The following THADA variants were observed in gnomAD, a reference collection of about 807,000 sequenced individuals.
THADA encodes THADA armadillo repeat containing.
Under a neutral mutation model 219.8 loss-of-function variants are expected in THADA, and 213 were observed. The ratio of observed to expected loss-of-function variants is 0.97; its 90% CI spans 0.87 to 1.09. The LOEUF is 1.09. Among genes scored for constraint, THADA ranks in the 50% least tolerant of loss-of-function variants. THADA has a pLI of 0.00. For synonymous variants in THADA, 1,018 were observed against 828.9 expected (o/e 1.23, Z -3.92); for missense variants, 2,956 against 2,311.3 (o/e 1.28, Z -5.72).
intron 26 of THADA, among the ~76,000 whole-genome samples, chr2:43,446,579 G>A (rs981716423): frequency 1.3e-5 from 2 of 152,204 alleles, no homozygotes; most frequent in Admixed American, 1.3e-4. Context: ...CCACCTGAGT[G>A]ATCCCAGATG....
intron 8 of THADA, among the ~76,000 whole-genome samples, chr2:43,579,551 A>C (rs184638853): frequency 6.6e-6 from 1 of 152,322 alleles, no homozygotes; most frequent in East Asian, 1.9e-4. Flanking sequence ...CATCACTGAT[A>C]AGAAAACTGT....
At chr2:43,289,721 G>A (rs913721256) in intron 34 of THADA, among the ~76,000 whole-genome samples, 8 of 151,212 alleles carry the variant, frequency 5.3e-5, no homozygotes, top group Non-Finnish European at 8.9e-5. Flanking sequence ...AGACAATCTC[G>A]GCTCACTGCA....
chr2:43,291,469 A>AAAAAAAAAAAAAAG (rs1674706231), intron 34 of THADA, among the ~76,000 whole-genome samples: 1 of 148,082 alleles, frequency 6.8e-6, no homozygotes, highest in Non-Finnish European at 1.5e-5. Flanking sequence ...AAAAAAAAAA[A>AAAAAAAAAAAAAAG]AAAAAAAAAA....
At position 43,574,363 on chromosome 2, in the gene THADA, G is replaced by A; in HGVS notation, c.1702C>T (p.Leu568Phe). Residue 568 changes from leucine to phenylalanine, a missense_variant, in exon 11 of 38, where the codon CTT becomes TTT. Leu to Phe is a conservative substitution (Grantham distance 22). Transcript: ENST00000405975. The stretch of plus-strand genomic sequence containing the variant: ...GTTTTAGCATCAATAGAAGTCTGAA[G>A]AATCTTTACCATGTACTGTAAGCTT... ...PESLQYMVKI[L>F]QTSIDAKTGQ... The A allele has an allele frequency of 6.3e-7, 1 of 1,581,576 alleles. No homozygotes were observed. The highest frequency in any genetic ancestry group is 8.6e-7 in the Non-Finnish European group (1 of 1,167,078).
chr2:43,534,017 A>T (rs1694234706), intron 21 of THADA, among the ~76,000 whole-genome samples: 1 of 152,226 alleles, frequency 6.6e-6, no homozygotes, highest in Non-Finnish European at 1.5e-5. Context: ...GATGAATATA[A>T]GATAAATATT....
intron 36 of THADA, among the ~76,000 whole-genome samples, chr2:43,235,443 G>A (rs527580866): frequency 5.9e-5 from 9 of 151,972 alleles, no homozygotes; most frequent in East Asian, 1.9e-4. Context: ...ACAGGCATGC[G>A]CCACCACACC....
intron 32 of THADA, among the ~76,000 whole-genome samples, 177 bp downstream of exon 32, chr2:43,292,657 T>C (rs1005108305): frequency 2.0e-5 from 3 of 152,104 alleles, no homozygotes; most frequent in Non-Finnish European, 2.9e-5. Context: ...CCCTACCAGG[T>C]ATGACGCCAT....
At chr2:43,248,334 A>T (rs1669474167) in intron 36 of THADA, among the ~76,000 whole-genome samples, 1 of 151,490 alleles carries the variant, frequency 6.6e-6, no homozygotes, top group African/African-American at 2.4e-5. Context: ...GGTTCAAGCG[A>T]TTCTCCCACT....
At chr2:43,478,885 A>C (rs1389494813) in intron 26 of THADA, among the ~76,000 whole-genome samples, 1 of 152,158 alleles carries the variant, frequency 6.6e-6, no homozygotes, top group Non-Finnish European at 1.5e-5. Flanking sequence ...TGAAACATGA[A>C]ACTCTCTAAT....
At chr2:43,397,878 T>C in intron 29 of THADA, 93 bp downstream of exon 29, 1 of 1,316,162 alleles carries the variant, frequency 7.6e-7, no homozygotes. Flanking sequence ...GTTAAGAGGC[T>C]GTGTATCAAA....
At position 43,552,302 on chromosome 2, in the gene THADA, T is replaced by G; in HGVS notation, c.2712A>C (p.Val904=). The G allele has an allele frequency of 6.2e-7, 1 of 1,604,720 alleles. No individual in the cohort carries two copies. Among genetic ancestry groups the G allele is most frequent in the Non-Finnish European group, 8.5e-7 (1 of 1,177,508 alleles). Residue 904 remains valine (V), a synonymous_variant, in exon 18 of 38, where the codon GTA becomes GTC. Transcript: ENST00000405975. ...KCLMENLEEE[V]SQAENSLLQA... The stretch of plus-strand genomic sequence containing the variant: ...GAAGCAGAGAATTTTCAGCCTGAGA[T>G]ACTTCTTCCTCAAGATTTTCCATCA...
Position 43,570,485 on chromosome 2 carries a change from G to GAACTTTCCTGTATCCTACAA in THADA, c.2070_2089dup (p.Ser697PhefsTer27), listed in dbSNP as rs745656397. The GAACTTTCCTGTATCCTACAA allele has an allele frequency of 6.2e-7, 1 of 1,611,982 alleles. No individual in the cohort carries two copies. The highest frequency in any genetic ancestry group is 1.3e-5 in the African/African-American group (1 of 74,946). On this transcript the variant is annotated frameshift_variant, in exon 14 of 38. Coordinates refer to ENST00000405975, the MANE Select transcript of THADA (RefSeq NM_022065.5). LOFTEE classifies it high-confidence loss of function. The stretch of plus-strand genomic sequence containing the variant: ...CTGCTCCAATTTATAAAGTACCTGA[G>GAACTTTCCTGTATCCTACAA]AACTTTCCTGTATCCTACAAAACAA...
intron 35 of THADA, among the ~76,000 whole-genome samples, chr2:43,281,921 C>A (rs777996032): frequency 3.3e-5 from 5 of 152,112 alleles, no homozygotes; most frequent in Non-Finnish European, 5.9e-5. Context: ...AGGTGTACAC[C>A]ACCACATCTG....
At chr2:43,269,508 G>A (rs1244524964) in intron 36 of THADA, among the ~76,000 whole-genome samples, 5 of 152,188 alleles carry the variant, frequency 3.3e-5, no homozygotes, top group African/African-American at 9.6e-5. Context: ...GGGAGCCGCT[G>A]CCAGTGACGC....
intron 31 of THADA, among the ~76,000 whole-genome samples, chr2:43,305,490 C>T (rs1676749967): frequency 6.6e-6 from 1 of 152,196 alleles, no homozygotes; most frequent in Non-Finnish European, 1.5e-5. Context: ...GCCCCCATCA[C>T]ACACACCCCT....
chr2:43,532,926 A>C (rs1292722144), intron 21 of THADA, among the ~76,000 whole-genome samples: 3 of 152,244 alleles, frequency 2.0e-5, no homozygotes, highest in Non-Finnish European at 4.4e-5. Flanking sequence ...GCTCAGCAAA[A>C]GAAACTATCA....
intron 31 of THADA, among the ~76,000 whole-genome samples, chr2:43,314,169 T>C (rs371263439): frequency 2.6e-5 from 4 of 152,312 alleles, no homozygotes; most frequent in Admixed American, 2.0e-4. Flanking sequence ...TCTGAGATCA[T>C]TTATATGAAG....
At chr2:43,337,858 G>T (rs1456296100) in intron 30 of THADA, among the ~76,000 whole-genome samples, 1 of 152,044 alleles carries the variant, frequency 6.6e-6, no homozygotes, top group African/African-American at 2.4e-5. Flanking sequence ...CTTCAAAAAT[G>T]ATGTTTTCAA....
intron 31 of THADA, among the ~76,000 whole-genome samples, chr2:43,296,433 A>C (rs907697493): frequency 3.3e-5 from 5 of 150,732 alleles, no homozygotes; most frequent in Admixed American, 1.3e-4. Flanking sequence ...ACGCCACCAC[A>C]CCCAGCTAAT....
Sources: allele counts gnomAD v4.1 joint callset (sites outside exome capture counted in the v4.1 genomes callset), GRCh38; gene constraint gnomAD v4.1.1; transcripts MANE v1.5; gene names NCBI Gene and HGNC (gene_info 2026-07-23, HGNC 2026-07-21).